The following LINGO2 variants were observed in gnomAD, a reference collection of about 807,000 sequenced individuals.
LINGO2 encodes leucine rich repeat and Ig domain containing 2.
In LINGO2, 14 loss-of-function variants were observed where a neutral mutation model predicts 30.6. That is an observed-to-expected ratio of 0.46 (90% CI 0.30 to 0.72). The LOEUF (loss-of-function observed/expected upper bound fraction) is 0.72. Among genes scored for constraint, LINGO2 ranks in the 30% least tolerant of loss-of-function variants. The probability of loss-of-function intolerance (pLI) is 0.07; values close to 1 mark genes in which losing one functional copy is unlikely to be tolerated. For synonymous variants in LINGO2, 317 were observed against 288.5 expected, an observed-to-expected ratio of 1.10 and a Z score of -1.00; for missense variants, 729 against 751.7, an observed-to-expected ratio of 0.97 and a Z score of 0.35.
the LINGO2 span, among the ~76,000 whole-genome samples, chr9:28,934,088 TG>T: frequency 6.6e-6 from 1 of 152,148 alleles, no homozygotes; most frequent in African/African-American, 2.4e-5. Flanking sequence ...ATGTAACGAC[TG>T]GGGGAAAAAT....
intron 2 of LINGO2, among the ~76,000 whole-genome samples, chr9:28,402,128 A>G (rs1296001354): frequency 1.3e-5 from 2 of 152,196 alleles, no homozygotes. Flanking sequence ...ACCCAGGTGG[A>G]TACAGTTAAT....
At chr9:29,027,043 T>A in the LINGO2 span, among the ~76,000 whole-genome samples, 1 of 152,192 alleles carries the variant, frequency 6.6e-6, no homozygotes, top group Non-Finnish European at 1.5e-5. Context: ...AGGTGAAATG[T>A]TATTTCACAT....
intron 4 of LINGO2, among the ~76,000 whole-genome samples, chr9:28,216,629 A>T (rs565891468): frequency 1.3e-5 from 2 of 151,914 alleles, no homozygotes; most frequent in Admixed American, 6.6e-5. Flanking sequence ...TCCAAAAATT[A>T]TATCTATTTA....
chr9:29,048,737 G>C, the LINGO2 span, among the ~76,000 whole-genome samples: 2 of 152,064 alleles, frequency 1.3e-5, no homozygotes, highest in African/African-American at 4.8e-5. Flanking sequence ...TTCAATAAAT[G>C]GTGCTGGGAA....
At chr9:28,697,578 C>T in the LINGO2 span, among the ~76,000 whole-genome samples, 1 of 151,158 alleles carries the variant, frequency 6.6e-6, no homozygotes. Context: ...TTGTAAAAAA[C>T]AAAGCTGCTA....
At chr9:28,122,646 A>T (rs1827131083) in intron 4 of LINGO2, among the ~76,000 whole-genome samples, 1 of 152,156 alleles carries the variant, frequency 6.6e-6, no homozygotes, top group South Asian at 2.1e-4. Context: ...CTCCTCCTGG[A>T]CTTCTTCCTG....
At chr9:29,198,191 T>G in the LINGO2 span, among the ~76,000 whole-genome samples, 83 of 152,234 alleles carry the variant, frequency 5.5e-4, no homozygotes, top group African/African-American at 1.9e-3. Context: ...AAAGGAGGCA[T>G]TTTCTGTGTT....
chr9:28,274,777 C>T (rs933391185), intron 4 of LINGO2, among the ~76,000 whole-genome samples: 3 of 152,176 alleles, frequency 2.0e-5, no homozygotes, highest in Admixed American at 2.0e-4. Context: ...TTCTTTCTTC[C>T]AACCAACTTC....
At chr9:28,797,353 T>TAGAGAG in the LINGO2 span, among the ~76,000 whole-genome samples, 806 of 60,746 alleles carry the variant, frequency 0.013, 3 homozygotes, top group South Asian at 0.014. Context: ...TATATATATA[T>TAGAGAG]ATATATAGAG....
intron 1 of LINGO2, among the ~76,000 whole-genome samples, chr9:28,523,899 T>C (rs1379673539): frequency 1.3e-5 from 2 of 151,976 alleles, no homozygotes; most frequent in Non-Finnish European, 2.9e-5. Context: ...GTTGGCTTTT[T>C]TTTTTTTTAA....
At chr9:28,997,599 G>A in the LINGO2 span, among the ~76,000 whole-genome samples, 5 of 152,046 alleles carry the variant, frequency 3.3e-5, no homozygotes, top group South Asian at 2.1e-4. Flanking sequence ...CAAGGCTGGC[G>A]GATCACGAGG....
intron 3 of LINGO2, among the ~76,000 whole-genome samples, chr9:28,338,062 G>T (rs1180730925): frequency 6.6e-6 from 1 of 152,136 alleles, no homozygotes; most frequent in East Asian, 1.9e-4. Context: ...GAAACTCAAT[G>T]CCAGCCTATG....
the LINGO2 span, among the ~76,000 whole-genome samples, chr9:28,986,829 A>G: frequency 6.6e-6 from 1 of 152,048 alleles, no homozygotes; most frequent in Non-Finnish European, 1.5e-5. Flanking sequence ...AAAATAATAT[A>G]CTGAAAGTAA....
chr9:29,014,946 G>T, the LINGO2 span, among the ~76,000 whole-genome samples: 1 of 152,118 alleles, frequency 6.6e-6, no homozygotes, highest in Non-Finnish European at 1.5e-5. Context: ...CCCTTTCTAA[G>T]AATATCTTCC....
intron 4 of LINGO2, among the ~76,000 whole-genome samples, chr9:28,142,340 GA>G (rs574647826): frequency 6.6e-5 from 10 of 151,734 alleles, no homozygotes; most frequent in Admixed American, 3.3e-4. Context: ...TTTAAGTAGA[GA>G]AAAAAAATTA....
At chr9:29,036,853 A>C in the LINGO2 span, among the ~76,000 whole-genome samples, 4 of 152,004 alleles carry the variant, frequency 2.6e-5, no homozygotes, top group Non-Finnish European at 5.9e-5. Context: ...GGTGAACATG[A>C]AACAATAAAG....
At chr9:28,044,046 G>C (rs1437114962) in intron 4 of LINGO2, among the ~76,000 whole-genome samples, 1 of 152,182 alleles carries the variant, frequency 6.6e-6, no homozygotes, top group Non-Finnish European at 1.5e-5. Flanking sequence ...CTTTGTACTA[G>C]CAGTTTTAGA....
At chr9:28,015,215 C>CCCAG (rs1822767845) in intron 4 of LINGO2, among the ~76,000 whole-genome samples, 1 of 152,088 alleles carries the variant, frequency 6.6e-6, no homozygotes, top group African/African-American at 2.4e-5. Flanking sequence ...ATAACAAGTT[C>CCCAG]CTCTTATTAA....
At position 28,336,943 on chromosome 9, in the gene LINGO2, A is replaced by T. The variant is rs549381129; in HGVS notation, c.-246+35893T>A. Among the ~76,000 whole-genome samples the T allele has an allele frequency of 6.6e-5, 10 of 152,026 alleles. No individual in the cohort carries two copies. The South Asian group carries it at 2.1e-3, about 31-fold the overall frequency. ...CACATATCACAGAATTATTTCTCTCAGTAATTCTTTACATAGACAACTGTT... is the reference window on the plus strand; with the variant it reads ...CACATATCACAGAATTATTTCTCTCTGTAATTCTTTACATAGACAACTGTT... On this transcript the variant is annotated intron_variant, in intron 3 of 5. Coordinates refer to ENST00000379992, the Ensembl canonical transcript of LINGO2.
Sources: gnomAD v4.1 joint callset for allele counts (sites outside exome capture counted in the v4.1 genomes callset) on GRCh38, gnomAD v4.1.1 for gene constraint, MANE v1.5 for transcripts, NCBI Gene and HGNC (gene_info 2026-07-23, HGNC 2026-07-21) for gene names.